C2orf74: variants seen among roughly 807,000 people sequenced by gnomAD.
The protein encoded by C2orf74 is DPM1 ER membrane anchor 1.
Under a neutral mutation model 17.9 loss-of-function variants are expected in C2orf74, and 14 were observed. The observed-to-expected ratio is 0.78, with a 90% CI of 0.52 to 1.22. The LOEUF (loss-of-function observed/expected upper bound fraction) is 1.22. C2orf74 is among the 50% of genes most tolerant of loss of function. The pLI, the probability that C2orf74 is intolerant of heterozygous loss-of-function variation, is 0.00. For missense variants in C2orf74, 217 were observed against 218.4 expected, an observed-to-expected ratio of 0.99 and a Z score of 0.04; for synonymous variants, 79 against 72.6, an observed-to-expected ratio of 1.09 and a Z score of -0.44.
In C2orf74 at chr2:61,145,341, G is replaced by A. The variant is rs571012637; in HGVS notation, c.-122+145G>A. On this transcript the variant is annotated intron_variant, in intron 1 of 3. Transcript: ENST00000426997. ...TTAGACAAATGGGCGAAGTACTGGGGTACCAAGTTCACAGAAAAATAGTAG... is the reference window on the plus strand; with the variant it reads ...TTAGACAAATGGGCGAAGTACTGGGATACCAAGTTCACAGAAAAATAGTAG... The A allele has an allele frequency of 2.4e-3, 363 of 152,382 alleles. 1 individual carries two copies. The highest frequency in any genetic ancestry group is 8.1e-3 in the African/African-American group (336 of 41,540). 9.4% of individuals were successfully genotyped at this position (152,382 alleles called of 1,614,324 possible).
chr2:61,154,569 C>G (rs1445540139), intron 1 of C2orf74, among the ~76,000 whole-genome samples: 1 of 152,116 alleles, frequency 6.6e-6, no homozygotes, highest in African/African-American at 2.4e-5. Context: ...ATAGGGGAAA[C>G]TGGGTGTGAG....
chr2:61,160,317 C>A (rs192917527), upstream of C2orf74, among the ~76,000 whole-genome samples: 9 of 152,028 alleles, frequency 5.9e-5, no homozygotes, highest in Admixed American at 3.3e-4. Flanking sequence ...CCTGCCCCCA[C>A]GCCTGGCTAA....
At position 61,153,497 on chromosome 2, in the gene C2orf74, T is replaced by C. The variant is rs184011586; in HGVS notation, c.-122+8301T>C. Among the ~76,000 whole-genome samples, 727 of 151,542 alleles carry C rather than the reference T, an allele frequency of 4.8e-3. 4 individuals carry two copies. The highest frequency in any genetic ancestry group is 0.015 in the South Asian group (70 of 4,768). On this transcript the variant is annotated intron_variant, in intron 1 of 3. Transcript: ENST00000426997. ...CTGGGTTTCACCATGTTAGCCAGGG[T>C]GGTCTCAATCTCCTGACCTCGTGAT...
chr2:61,150,885 G>T (rs1299976976), intron 1 of C2orf74, among the ~76,000 whole-genome samples: 1 of 152,158 alleles, frequency 6.6e-6, no homozygotes, highest in African/African-American at 2.4e-5. Flanking sequence ...TGTCTCCTGA[G>T]GTGTGCTGGC....
chr2:61,161,039 G>C (rs1685549067), upstream of C2orf74, among the ~76,000 whole-genome samples: 1 of 152,122 alleles, frequency 6.6e-6, no homozygotes, highest in African/African-American at 2.4e-5. Context: ...CAGTGCACAA[G>C]GTTCCAATTT....
At chr2:61,156,343 C>A (rs911581744) in intron 1 of C2orf74, among the ~76,000 whole-genome samples, 4 of 151,734 alleles carry the variant, frequency 2.6e-5, no homozygotes, top group Non-Finnish European at 5.9e-5. Context: ...TTCAAGACCA[C>A]CCTGGGCAAC....
chr2:61,163,019 G>C, intron 3 of C2orf74, 33 bp from the exon 4 acceptor site: 2 of 1,552,218 alleles, frequency 1.3e-6, no homozygotes, highest in Non-Finnish European at 1.7e-6. Context: ...GAGGATGCAT[G>C]AATGTTTAAA....
upstream of C2orf74, among the ~76,000 whole-genome samples, chr2:61,161,015 T>A (rs1022623395): frequency 5.3e-5 from 8 of 152,350 alleles, no homozygotes; most frequent in African/African-American, 1.7e-4. Flanking sequence ...TGTACCATTT[T>A]ACATTCCCAC....
intron 1 of C2orf74, among the ~76,000 whole-genome samples, chr2:61,153,602 G>T (rs564952130): frequency 3.5e-5 from 5 of 143,140 alleles, no homozygotes; most frequent in Non-Finnish European, 7.7e-5. Flanking sequence ...AATTTAAAAT[G>T]TATAAACTGG....
rs1246106619 is a variant in C2orf74, at chr2:61,153,788, C to T, written c.-122+8592C>T. 2.6e-5 allele frequency among the ~76,000 whole-genome samples: 4 copies of T among 151,514 alleles called. No homozygotes were observed. The East Asian group carries it at 7.9e-4, about 30-fold the overall frequency. Reference sequence around the variant, plus strand: ...CCTGTAATCCCAGCTACTCAGGAGGCTGAGGCAGGAGAATCTCTTGAACCT... The same window carrying T: ...CCTGTAATCCCAGCTACTCAGGAGGTTGAGGCAGGAGAATCTCTTGAACCT... On this transcript the variant is annotated intron_variant, in intron 1 of 3. Transcript: ENST00000426997.
At chr2:61,157,649 C>T (rs1685431096), upstream of C2orf74, among the ~76,000 whole-genome samples, 1 of 152,192 alleles carries the variant, frequency 6.6e-6, no homozygotes, top group Non-Finnish European at 1.5e-5. Context: ...GCCCTGCTTT[C>T]TTCCATGCTG....
Position 61,163,073 on chromosome 2 carries a change from C to G in C2orf74, c.231C>G (p.Asn77Lys). ...CTAGGATCTTAATGCAAGTCATGAACTTGAATGTGCCGATGAGGCCTGGCA... is the reference window on the plus strand; with the variant it reads ...CTAGGATCTTAATGCAAGTCATGAAGTTGAATGTGCCGATGAGGCCTGGCA... The part of the protein sequence containing the change: ...DHERILMQVM[N>K]LNVPMRPGIL... The change falls in exon 4 of 5, where the codon AAC (asparagine) becomes AAG (lysine). Residue 77 changes from asparagine (N) to lysine (K), a missense_variant. Asn to Lys is a moderately conservative substitution (Grantham distance 94, BLOSUM62 0). Transcript: ENST00000432605. 1 of 1,552,098 alleles carries G rather than the reference C, an allele frequency of 6.4e-7. No individual in the cohort carries two copies. Among genetic ancestry groups the G allele is most frequent in the Non-Finnish European group, 8.7e-7 (1 of 1,147,054 alleles).
intron 1 of C2orf74, among the ~76,000 whole-genome samples, chr2:61,155,834 G>T (rs1559182816): frequency 1.3e-5 from 2 of 151,378 alleles, no homozygotes; most frequent in Non-Finnish European, 2.9e-5. Context: ...AAATCAAGGT[G>T]TTTTTTTTAA....
chr2:61,161,785 G>C (rs1352179213), upstream of C2orf74: 1 of 152,396 alleles, frequency 6.6e-6, no homozygotes, highest in Non-Finnish European at 1.5e-5. Context: ...GTTTGAGAAA[G>C]ATTGGTGTTA....
Position 61,162,444 on chromosome 2 carries a change from C to G in C2orf74, c.-71C>G. On this transcript the variant is annotated 5_prime_UTR_variant, in exon 2 of 5. Coordinates refer to ENST00000432605, the MANE Select transcript of C2orf74 (RefSeq NM_001143959.4). ...ACTTAAAGAACAAGAGAACTGCATT[C>G]AAATTGAGCTGGAAAAGAATATTTG... is the stretch of plus-strand genomic sequence containing the variant. 1 of 1,169,064 alleles carries G rather than the reference C, an allele frequency of 8.6e-7. No individual in the cohort carries two copies. The highest frequency in any genetic ancestry group is 1.2e-6 in the Non-Finnish European group (1 of 819,360). 72.4% of individuals were successfully genotyped at this position (1,169,064 alleles called of 1,614,324 possible). A position where few individuals can be genotyped will look rare whatever the true frequency, so the allele number is the denominator to read the frequency against.
chr2:61,164,326 T>G (rs201355774), intron 4 of C2orf74, 28 bp from the exon 5 acceptor site: 54 of 1,484,978 alleles, frequency 3.6e-5, no homozygotes, highest in Middle Eastern at 1.7e-4. Flanking sequence ...GATTATTTGT[T>G]TATATTGTTT....
At chr2:61,161,083 T>C (rs2103642951), upstream of C2orf74, among the ~76,000 whole-genome samples, 1 of 152,350 alleles carries the variant, frequency 6.6e-6, no homozygotes, top group South Asian at 2.1e-4. Flanking sequence ...TTTTTCTTTC[T>C]AAAATAATAA....
rs530972001 is a variant in C2orf74 at position 61,147,951 on chromosome 2, T to C, written c.-122+2755T>C. Reference sequence around the variant, plus strand: ...CCTGGCTAATTTTTTGTATTTTTAGTAGAGATGGGGTTTTGCCATGTTGCC... The same window carrying C: ...CCTGGCTAATTTTTTGTATTTTTAGCAGAGATGGGGTTTTGCCATGTTGCC... On this transcript the variant is annotated intron_variant, in intron 1 of 3. Coordinates refer to the C2orf74 transcript ENST00000426997. 4.7e-3 allele frequency among the ~76,000 whole-genome samples: 715 copies of C among 151,424 alleles called. 4 individuals carry two copies. Among genetic ancestry groups the C allele is most frequent in the Non-Finnish European group, 7.9e-3 (538 of 67,860 alleles).
chr2:61,157,471 T>G (rs1244871329), upstream of C2orf74, among the ~76,000 whole-genome samples: 1 of 152,172 alleles, frequency 6.6e-6, no homozygotes, highest in Non-Finnish European at 1.5e-5. Context: ...GTCAGGAATC[T>G]TGGGGTGCAA....
Sources: allele counts gnomAD v4.1 joint callset (sites outside exome capture counted in the v4.1 genomes callset), GRCh38; gene constraint gnomAD v4.1.1; transcripts MANE v1.5; gene names NCBI Gene and HGNC (gene_info 2026-07-23, HGNC 2026-07-21).